The following HS6ST3 variants were observed in gnomAD, a reference collection of about 807,000 sequenced individuals.
The protein encoded by HS6ST3 is heparan-sulfate 6-O-sulfotransferase 3.
HS6ST3 carries 12 observed loss-of-function variants against 36.7 expected under a neutral mutation model. That is an observed-to-expected ratio of 0.33 (90% CI 0.21 to 0.53). The LOEUF is 0.53. Ranked by LOEUF, HS6ST3 falls within the 20% of genes least tolerant of loss-of-function variation. HS6ST3 has a pLI of 0.95. For missense variants in HS6ST3, 584 were observed against 640.9 expected, an observed-to-expected ratio of 0.91 and a Z score of 0.96; for synonymous variants, 240 against 257.5, an observed-to-expected ratio of 0.93 and a Z score of 0.65.
At chr13:96,698,495 A>T (rs1875193956) in intron 1 of HS6ST3, among the ~76,000 whole-genome samples, 1 of 152,112 alleles carries the variant, frequency 6.6e-6, no homozygotes, top group African/African-American at 2.4e-5. Context: ...TCATGAGTGA[A>T]CTCCCATTCA....
At chr13:96,373,749 T>G (rs1201222201) in intron 1 of HS6ST3, among the ~76,000 whole-genome samples, 1 of 152,192 alleles carries the variant, frequency 6.6e-6, no homozygotes, top group Non-Finnish European at 1.5e-5. Flanking sequence ...ATGGCTGCTC[T>G]CATCAATTTG....
chr13:96,740,162 C>A (rs184199022), intron 1 of HS6ST3, among the ~76,000 whole-genome samples: 1 of 152,250 alleles, frequency 6.6e-6, no homozygotes, highest in East Asian at 1.9e-4. Context: ...GCCTGTCTCC[C>A]CACACCAGAA....
intron 1 of HS6ST3, among the ~76,000 whole-genome samples, chr13:96,211,775 G>A (rs2054400348): frequency 2.0e-5 from 3 of 152,138 alleles, no homozygotes. Flanking sequence ...CATTCAGGTT[G>A]TATGGAACTC....
chr13:96,655,345 T>C (rs1053245082), intron 1 of HS6ST3, among the ~76,000 whole-genome samples: 13 of 152,104 alleles, frequency 8.5e-5, no homozygotes, highest in African/African-American at 2.4e-4. Flanking sequence ...GTCTAGTTCA[T>C]TGGGGACTAC....
intron 1 of HS6ST3, among the ~76,000 whole-genome samples, chr13:96,343,698 C>G (rs1160556516): frequency 6.6e-6 from 1 of 151,838 alleles, no homozygotes; most frequent in Non-Finnish European, 1.5e-5. Flanking sequence ...TTTCCATTTC[C>G]CTTATTTATT....
chr13:96,831,975 A>AC lies in HS6ST3; in HGVS notation c.708-515_708-514insC, dbSNP rs1566464306. ...CTCTCAAAAAAAAAAAAAAAAAAAA[A>AC]AAAAACAGAGATTAAGGAGAATACA... On this transcript the variant is annotated intron_variant, in intron 1 of 1. Coordinates refer to ENST00000376705, the MANE Select transcript of HS6ST3 (RefSeq NM_153456.4). Among the ~76,000 whole-genome samples the AC allele has an allele frequency of 1.9e-4, 28 of 148,634 alleles. 3 individuals are homozygous for AC. Among genetic ancestry groups the AC allele is most frequent in the East Asian group, 1.2e-3 (6 of 5,118 alleles).
intron 1 of HS6ST3, among the ~76,000 whole-genome samples, chr13:96,606,971 A>G (rs2056441414): frequency 1.3e-5 from 2 of 152,168 alleles, no homozygotes; most frequent in East Asian, 3.8e-4. Flanking sequence ...GAAGACAAGA[A>G]AAGAAATTGA....
intron 1 of HS6ST3, among the ~76,000 whole-genome samples, chr13:96,474,212 A>G (rs530410430): frequency 6.6e-6 from 1 of 152,230 alleles, no homozygotes; most frequent in East Asian, 1.9e-4. Flanking sequence ...GCTCTGCATT[A>G]AGCACAGTAC....
chr13:96,431,264 C>A (rs1345077095), intron 1 of HS6ST3, among the ~76,000 whole-genome samples: 1 of 147,902 alleles, frequency 6.8e-6, no homozygotes, highest in Non-Finnish European at 1.5e-5. Flanking sequence ...ACAAATAAAC[C>A]AAAACCAAAA....
intron 1 of HS6ST3, among the ~76,000 whole-genome samples, chr13:96,304,707 CTTTCTTTTTTTTTTT>C: frequency 1.1e-5 from 1 of 92,196 alleles, no homozygotes; most frequent in South Asian, 4.0e-4. Context: ...TTCTTTCTTT[CTTTCTTTTTTTTTTT>C]TTTTTTTTTA....
intron 1 of HS6ST3, among the ~76,000 whole-genome samples, chr13:96,324,109 G>A (rs1489226355): frequency 6.6e-6 from 1 of 152,164 alleles, no homozygotes; most frequent in Non-Finnish European, 1.5e-5. Flanking sequence ...GTAATAGAAG[G>A]TAGTAAGCTG....
At chr13:96,621,508 C>T (rs1345022884) in intron 1 of HS6ST3, among the ~76,000 whole-genome samples, 2 of 152,166 alleles carry the variant, frequency 1.3e-5, no homozygotes, top group African/African-American at 4.8e-5. Context: ...AATTAAACCT[C>T]CTTTCTTTAT....
chr13:96,227,956 T>C (rs1225204986), intron 1 of HS6ST3, among the ~76,000 whole-genome samples: 2 of 152,142 alleles, frequency 1.3e-5, no homozygotes, highest in Non-Finnish European at 2.9e-5. Context: ...TATCTCTACT[T>C]ATTCATTAAA....
intron 1 of HS6ST3, among the ~76,000 whole-genome samples, chr13:96,243,236 A>G (rs1043693272): frequency 3.9e-5 from 6 of 152,242 alleles, no homozygotes; most frequent in Non-Finnish European, 7.3e-5. Flanking sequence ...AGTGGCTTCC[A>G]TATTGGGCAA....
intron 1 of HS6ST3, among the ~76,000 whole-genome samples, chr13:96,692,990 C>T (rs1269246462): frequency 6.6e-6 from 1 of 152,154 alleles, no homozygotes; most frequent in Non-Finnish European, 1.5e-5. Context: ...CTGTTGGTTT[C>T]CATTTGAGAA....
At chr13:96,515,585 C>T (rs146976489) in intron 1 of HS6ST3, among the ~76,000 whole-genome samples, 4 of 152,272 alleles carry the variant, frequency 2.6e-5, no homozygotes, top group East Asian at 3.9e-4. Flanking sequence ...GGCTGTGGCC[C>T]GACCCAAATC....
At chr13:96,685,471 T>G (rs1306466537) in intron 1 of HS6ST3, among the ~76,000 whole-genome samples, 2 of 152,050 alleles carry the variant, frequency 1.3e-5, no homozygotes, top group Non-Finnish European at 2.9e-5. Context: ...GATCAGCCAT[T>G]TATATGGTGG....
At chr13:96,692,044 G>A (rs1403784537) in intron 1 of HS6ST3, among the ~76,000 whole-genome samples, 1 of 152,108 alleles carries the variant, frequency 6.6e-6, no homozygotes, top group African/African-American at 2.4e-5. Context: ...ATGACTCAGA[G>A]AAAGACTAGT....
intron 1 of HS6ST3, among the ~76,000 whole-genome samples, chr13:96,451,341 G>A (rs1229187395): frequency 6.6e-6 from 1 of 152,016 alleles, no homozygotes; most frequent in Non-Finnish European, 1.5e-5. Flanking sequence ...GACTGGTTTT[G>A]CATCTCTTTG....
Sources: allele counts gnomAD v4.1 joint callset (sites outside exome capture counted in the v4.1 genomes callset), GRCh38; gene constraint gnomAD v4.1.1; transcripts MANE v1.5; gene names NCBI Gene and HGNC (gene_info 2026-07-23, HGNC 2026-07-21).